NREP: variants seen among roughly 807,000 people sequenced by gnomAD.
NREP encodes the protein neuronal regeneration related protein.
NREP carries 5 observed loss-of-function variants against 8.6 expected under a neutral mutation model. That is an observed-to-expected ratio of 0.58 (90% CI 0.30 to 1.22). NREP has a LOEUF of 1.22. Ranked by LOEUF, NREP falls within the 50% of genes most tolerant of loss-of-function variation. NREP has a pLI of 0.07. For missense variants in NREP, 86 were observed against 82.5 expected (o/e 1.04, Z -0.17); for synonymous variants, 27 against 28.0 (o/e 0.96, Z 0.11).
At chr5:111,964,855 CAAAAAAAAAAAAAAAAAAAAAAAAAAA>C (rs58877839) in intron 2 of NREP, among the ~76,000 whole-genome samples, 35 of 44,882 alleles carry the variant, frequency 7.8e-4, no homozygotes, top group Admixed American at 1.4e-3. Flanking sequence ...CTTTCAGCAG[CAAAAAAAAAAAAAAAAAAAAAAAAAAA>C]AAAAAAAAAA....
At chr5:111,951,831 T>C (rs1190941967) in intron 2 of NREP, among the ~76,000 whole-genome samples, 1 of 152,080 alleles carries the variant, frequency 6.6e-6, no homozygotes, top group Non-Finnish European at 1.5e-5. Flanking sequence ...GTTATAATGG[T>C]TTATATCCAT....
At chr5:111,736,540 T>C (rs1581037284) in intron 2 of NREP, among the ~76,000 whole-genome samples, 1 of 152,332 alleles carries the variant, frequency 6.6e-6, no homozygotes, top group African/African-American at 2.4e-5. Flanking sequence ...ATTTTGGTTT[T>C]GGAAGCCGTA....
chr5:111,964,591 T>C (rs1336283124), intron 2 of NREP, among the ~76,000 whole-genome samples: 1 of 152,000 alleles, frequency 6.6e-6, no homozygotes, highest in Non-Finnish European at 1.5e-5. Context: ...GCTGGTCTAG[T>C]ACTCCTGGCC....
intron 2 of NREP, among the ~76,000 whole-genome samples, chr5:111,849,104 G>C (rs1581164023): frequency 6.6e-6 from 1 of 152,096 alleles, no homozygotes; most frequent in African/African-American, 2.4e-5. Context: ...AAGCAGATTT[G>C]GATAAGTGGT....
At chr5:111,766,806 G>C (rs1751095606) in intron 2 of NREP, among the ~76,000 whole-genome samples, 1 of 152,216 alleles carries the variant, frequency 6.6e-6, no homozygotes, top group Non-Finnish European at 1.5e-5. Flanking sequence ...AAAGGCCCAA[G>C]AAAGGGTGGG....
rs548095102 is a variant in NREP at position 111,846,683 on chromosome 5, C to T, written c.136-111176G>A. 7.9e-5 allele frequency: 12 copies of T among 152,102 alleles called. 1 individual carries two copies. The East Asian group carries it at 2.1e-3, about 27-fold the overall frequency. 9.4% of individuals were successfully genotyped at this position (152,102 alleles called of 1,614,324 possible). On this transcript the variant is annotated intron_variant, in intron 2 of 3. Transcript: ENST00000395634. The stretch of plus-strand genomic sequence containing the variant: ...TTTCAGTAATTCAAATTTACCTTCT[C>T]CTTTGAGTTTTCCTAATTAGAGATA...
At chr5:111,801,626 A>G (rs1339276518) in intron 2 of NREP, among the ~76,000 whole-genome samples, 1 of 152,198 alleles carries the variant, frequency 6.6e-6, no homozygotes, top group African/African-American at 2.4e-5. Flanking sequence ...CACTGTCCTG[A>G]TAAGAAAAAA....
At chr5:111,917,426 A>G (rs966700268) in intron 2 of NREP, among the ~76,000 whole-genome samples, 2 of 152,174 alleles carry the variant, frequency 1.3e-5, no homozygotes, top group African/African-American at 4.8e-5. Flanking sequence ...TTTCAGGCCA[A>G]TATCCCTGCT....
chr5:111,765,426 T>C (rs1751058177), intron 2 of NREP, among the ~76,000 whole-genome samples: 1 of 152,188 alleles, frequency 6.6e-6, no homozygotes, highest in South Asian at 2.1e-4. Context: ...CCCTAATTTC[T>C]CATAAAGTTG....
chr5:111,824,993 G>GA (rs1162498495), intron 2 of NREP, among the ~76,000 whole-genome samples: 1 of 152,152 alleles, frequency 6.6e-6, no homozygotes, highest in East Asian at 1.9e-4. Context: ...CATAGTCACA[G>GA]AAGAGATATA....
chr5:111,973,136 T>C (rs1324412850), intron 2 of NREP, among the ~76,000 whole-genome samples: 1 of 152,182 alleles, frequency 6.6e-6, no homozygotes, highest in African/African-American at 2.4e-5. Context: ...GAGGGACTTC[T>C]TTCCTCTGTA....
chr5:111,873,891 C>A (rs1217134502), intron 2 of NREP, among the ~76,000 whole-genome samples: 1 of 152,162 alleles, frequency 6.6e-6, no homozygotes, highest in South Asian at 2.1e-4. Context: ...TCAAATCTTG[C>A]ATCTTCTTCC....
chr5:111,790,347 C>CTTTTTTTT lies in NREP; in HGVS notation c.136-54848_136-54841dup, dbSNP rs57775701. ...TCACCCTATACTTCAAAAACCTTAA[C>CTTTTTTTT]TTTTTTTTTTTTTTTTTTTTTTTTT... On this transcript the variant is annotated intron_variant, in intron 2 of 3. Transcript: ENST00000395634. Among the ~76,000 whole-genome samples, 572 of 59,636 alleles carry CTTTTTTTT rather than the reference C, an allele frequency of 9.6e-3. 10 individuals are homozygous for CTTTTTTTT. The highest frequency in any genetic ancestry group is 0.011 in the Non-Finnish European group (379 of 35,038). 39.1% of individuals were successfully genotyped at this position (59,636 alleles called of 152,430 possible).
chr5:111,934,718 A>T (rs1755634090), intron 2 of NREP, among the ~76,000 whole-genome samples: 1 of 152,096 alleles, frequency 6.6e-6, no homozygotes, highest in African/African-American at 2.4e-5. Context: ...AATACCCATT[A>T]TCTGAGGCCC....
At chr5:111,931,044 A>AT (rs1755522753) in intron 2 of NREP, among the ~76,000 whole-genome samples, 1 of 152,076 alleles carries the variant, frequency 6.6e-6, no homozygotes, top group South Asian at 2.1e-4. Flanking sequence ...GACAGAAAGA[A>AT]TTTGGATCTT....
intron 2 of NREP, among the ~76,000 whole-genome samples, chr5:111,967,751 T>C (rs142766054): frequency 5.1e-4 from 78 of 152,284 alleles, no homozygotes; most frequent in African/African-American, 1.8e-3. Context: ...CAGCCTTGTG[T>C]GTGATCTTTT....
chr5:111,916,226 G>C (rs1322163162), intron 2 of NREP, among the ~76,000 whole-genome samples: 3 of 151,994 alleles, frequency 2.0e-5, no homozygotes, highest in Non-Finnish European at 4.4e-5. Flanking sequence ...ATGATAGAGA[G>C]AGAGTCATTT....
intron 2 of NREP, among the ~76,000 whole-genome samples, chr5:111,764,029 CT>C (rs1751025460): frequency 6.6e-6 from 1 of 152,226 alleles, no homozygotes; most frequent in African/African-American, 2.4e-5. Context: ...TACATATCCC[CT>C]GATATGATGC....
chr5:111,819,036 C>T, intron 2 of NREP, among the ~76,000 whole-genome samples: 1 of 152,138 alleles, frequency 6.6e-6, no homozygotes, highest in East Asian at 1.9e-4. Context: ...ATCAGTATGT[C>T]AGTATGTTCA....
Sources: allele counts gnomAD v4.1 joint callset (sites outside exome capture counted in the v4.1 genomes callset), GRCh38; gene constraint gnomAD v4.1.1; transcripts MANE v1.5; gene names NCBI Gene and HGNC (gene_info 2026-07-23, HGNC 2026-07-21).